Variants in SHANK2 observed in about 807,000 individuals in gnomAD.
SHANK2 encodes the protein SH3 and multiple ankyrin repeat domains 2, also known as SH3 and multiple ankyrin repeat domains protein 2.
Under a neutral mutation model 133.7 loss-of-function variants are expected in SHANK2, and 43 were observed. That is an observed-to-expected ratio of 0.32 (90% CI 0.25 to 0.41). The LOEUF is 0.41. SHANK2 is among the 10% of genes least tolerant of loss of function. SHANK2 has a pLI of 1.00. For missense variants in SHANK2, 1,994 were observed against 2,235.8 expected (o/e 0.89, Z 2.18); for synonymous variants, 1,017 against 952.8 (o/e 1.07, Z -1.24).
Position 70,824,535 on chromosome 11 carries a change from G to A in SHANK2, c.1175-3853C>T, listed in dbSNP as rs557266151. ...AGACAAGGAACGGAAAAAGCTGACG[G>A]CACTCTCCGTGGACATCTCTCCTTC... On this transcript the variant is annotated intron_variant, in intron 11 of 25. Transcript: ENST00000601538. 3.9e-5 allele frequency among the ~76,000 whole-genome samples: 6 copies of A among 152,286 alleles called. No individual in the cohort carries two copies. The South Asian group carries it at 1.2e-3, about 32-fold the overall frequency.
intron 6 of SHANK2, among the ~76,000 whole-genome samples, chr11:71,104,454 C>A (rs1023271524): frequency 6.6e-6 from 1 of 152,164 alleles, no homozygotes; most frequent in African/African-American, 2.4e-5. Flanking sequence ...CAGGAGGATG[C>A]GTATCCGTCC....
At chr11:70,775,064 C>G (rs576113794) in intron 14 of SHANK2, among the ~76,000 whole-genome samples, 9 of 152,164 alleles carry the variant, frequency 5.9e-5, no homozygotes, top group Admixed American at 3.9e-4. Context: ...GAGGCTGAAG[C>G]GAAAGGATCA....
chr11:71,197,559 T>A (rs1420461155), intron 2 of SHANK2, among the ~76,000 whole-genome samples: 1 of 152,264 alleles, frequency 6.6e-6, no homozygotes, highest in African/African-American at 2.4e-5. Flanking sequence ...CCATCTGCTC[T>A]ATCAGATGGT....
At chr11:71,058,209 A>G (rs1234590095) in intron 9 of SHANK2, among the ~76,000 whole-genome samples, 1 of 152,124 alleles carries the variant, frequency 6.6e-6, no homozygotes, top group African/African-American at 2.4e-5. Flanking sequence ...ATGCATTTTC[A>G]TAACAAAAAT....
chr11:71,096,335 G>A (rs1161670338), intron 6 of SHANK2, among the ~76,000 whole-genome samples: 1 of 152,192 alleles, frequency 6.6e-6, no homozygotes, highest in Non-Finnish European at 1.5e-5. Flanking sequence ...CAAGGGGTGT[G>A]GGGATTGAGA....
At chr11:71,105,605 A>AAG (rs1259647045) in intron 6 of SHANK2, among the ~76,000 whole-genome samples, 9 of 151,250 alleles carry the variant, frequency 6.0e-5, no homozygotes, top group Admixed American at 3.3e-4. Context: ...AAAAAAAAAA[A>AAG]AAAAAAAAAG....
intron 2 of SHANK2, among the ~76,000 whole-genome samples, chr11:71,207,249 G>A (rs1036219364): frequency 1.4e-5 from 2 of 144,190 alleles, no homozygotes; most frequent in South Asian, 2.2e-4. Flanking sequence ...GCGCAATCTC[G>A]GCTCACTACA....
At chr11:70,526,969 C>T (rs113863724) in intron 17 of SHANK2, among the ~76,000 whole-genome samples, 2 of 121,788 alleles carry the variant, frequency 1.6e-5, no homozygotes, top group Non-Finnish European at 3.7e-5. Context: ...CCAACCGCCC[C>T]GCCCAGGTCA....
intron 14 of SHANK2, among the ~76,000 whole-genome samples, chr11:70,734,441 C>T (rs570748536): frequency 1.9e-4 from 29 of 152,288 alleles, no homozygotes; most frequent in Admixed American, 1.9e-3. Context: ...CCACACGCTC[C>T]ACACTGACAG....
intron 9 of SHANK2, among the ~76,000 whole-genome samples, chr11:71,069,796 C>T (rs915773476): frequency 1.1e-4 from 17 of 152,194 alleles, no homozygotes; most frequent in Admixed American, 1.1e-3. Context: ...TGCCTCCTGA[C>T]TCCTTTCCTT....
At chr11:70,618,220 G>A (rs527338122) in intron 17 of SHANK2, among the ~76,000 whole-genome samples, 1 of 151,564 alleles carries the variant, frequency 6.6e-6, no homozygotes, top group South Asian at 2.1e-4. Context: ...TTTGAACCCA[G>A]GAGGCAGAGG....
At chr11:71,237,414 T>C (rs1270285525) in intron 1 of SHANK2, among the ~76,000 whole-genome samples, 4 of 152,318 alleles carry the variant, frequency 2.6e-5, no homozygotes, top group African/African-American at 4.8e-5. Flanking sequence ...GGAGAGACAC[T>C]GCACAGCACG....
intron 12 of SHANK2, among the ~76,000 whole-genome samples, chr11:70,816,595 T>C (rs1369194503): frequency 2.0e-5 from 3 of 152,160 alleles, no homozygotes; most frequent in Non-Finnish European, 4.4e-5. Flanking sequence ...AGAGCTGGTT[T>C]TTCAGGAATA....
chr11:70,928,099 T>C (rs1022881290), intron 10 of SHANK2, among the ~76,000 whole-genome samples: 2 of 152,184 alleles, frequency 1.3e-5, no homozygotes, highest in Admixed American at 1.3e-4. Context: ...TATATACATG[T>C]ATCTTATTGG....
intron 10 of SHANK2, chr11:70,951,146 G>T (rs1050798134): frequency 3.8e-5 from 13 of 346,486 alleles, no homozygotes; most frequent in Non-Finnish European, 5.9e-5. Flanking sequence ...CCTGGCTGCT[G>T]CACTGTGATG....
At chr11:70,899,390 C>A (rs1949991719) in intron 10 of SHANK2, among the ~76,000 whole-genome samples, 1 of 152,132 alleles carries the variant, frequency 6.6e-6, no homozygotes, top group Non-Finnish European at 1.5e-5. Context: ...CTGAGGGCTC[C>A]CCAGCCATGC....
At chr11:71,209,946 G>A (rs2135680112) in intron 2 of SHANK2, among the ~76,000 whole-genome samples, 1 of 151,746 alleles carries the variant, frequency 6.6e-6, no homozygotes, top group South Asian at 2.1e-4. Flanking sequence ...ATCTCTGGGA[G>A]TGGCAATAAA....
rs374399109 is a variant in SHANK2, at chr11:70,803,888, A to G, written c.1663+3114T>C. Among the ~76,000 whole-genome samples the G allele has an allele frequency of 1.8e-3, 275 of 152,034 alleles. 4 individuals carry two copies. The highest frequency in any genetic ancestry group is 6.3e-3 in the African/African-American group (261 of 41,464). On this transcript the variant is annotated intron_variant, in intron 13 of 25. Transcript: ENST00000601538. ...TATTTTTGGGCACCCCTTATTTTAG[A>G]AGAAAAATGTTGGGGTATGTTTTCC...
intron 17 of SHANK2, among the ~76,000 whole-genome samples, chr11:70,640,267 G>C (rs1406836419): frequency 6.6e-6 from 1 of 152,250 alleles, no homozygotes; most frequent in Non-Finnish European, 1.5e-5. Context: ...CCAGTGACAA[G>C]TGTCTTTATA....
Sources: gnomAD v4.1 joint callset for allele counts (sites outside exome capture counted in the v4.1 genomes callset) on GRCh38, gnomAD v4.1.1 for gene constraint, MANE v1.5 for transcripts, NCBI Gene and HGNC (gene_info 2026-07-23, HGNC 2026-07-21) for gene names.